Variants in CCDC146 observed in about 807,000 individuals in gnomAD.
CCDC146 encodes the protein coiled-coil domain containing 146, also known as coiled-coil domain-containing protein 146.
In CCDC146, 92 loss-of-function variants were observed where a neutral mutation model predicts 119.3. The observed-to-expected ratio is 0.77, with a 90% CI of 0.65 to 0.92. CCDC146 has a LOEUF of 0.92. Among genes scored for constraint, CCDC146 ranks in the 40% least tolerant of loss-of-function variants. CCDC146 has a pLI of 0.00. For synonymous variants in CCDC146, 372 were observed against 371.8 expected, an observed-to-expected ratio of 1.00 and a Z score of -0.01; for missense variants, 1,000 against 1,103.0, an observed-to-expected ratio of 0.91 and a Z score of 1.32.
chr7:77,280,247 G>A (rs1793738932), intron 13 of CCDC146, among the ~76,000 whole-genome samples, 182 bp from the exon 14 acceptor site: 1 of 152,024 alleles, frequency 6.6e-6, no homozygotes, highest in Admixed American at 6.6e-5. Context: ...TCTGAGACCT[G>A]GAAGGATTAT....
Position 77,150,593 on chromosome 7 carries a change from G to A in CCDC146, c.-11-17065G>A, listed in dbSNP as rs6964325. On this transcript the variant is annotated intron_variant, in intron 1 of 18. Transcript: ENST00000285871. ...AAGGATGTGGAGCAGCGGGAACCCT[G>A]GTACGTTATTGGTAGGAATATAAAA... 3.9e-3 allele frequency among the ~76,000 whole-genome samples: 597 copies of A among 152,232 alleles called. 1 individual carries two copies. The highest frequency in any genetic ancestry group is 0.013 in the African/African-American group (558 of 41,544).
chr7:77,133,293 T>C (rs1790813161), intron 1 of CCDC146, among the ~76,000 whole-genome samples: 1 of 152,258 alleles, frequency 6.6e-6, no homozygotes, highest in Non-Finnish European at 1.5e-5. Context: ...CACTTAGTGC[T>C]ACACTTTAAT....
intron 4 of CCDC146, among the ~76,000 whole-genome samples, chr7:77,251,824 G>C (rs897146174): frequency 2.6e-5 from 4 of 152,120 alleles, no homozygotes; most frequent in Admixed American, 1.3e-4. Flanking sequence ...TGTCCAATCT[G>C]AACAGAGAGA....
At chr7:77,201,880 T>A (rs1460560666) in intron 2 of CCDC146, among the ~76,000 whole-genome samples, 1 of 151,808 alleles carries the variant, frequency 6.6e-6, no homozygotes, top group Non-Finnish European at 1.5e-5. Context: ...AAACAATAGA[T>A]AATTTTAAAA....
At chr7:77,132,841 A>G (rs1174926667) in intron 1 of CCDC146, among the ~76,000 whole-genome samples, 4 of 152,186 alleles carry the variant, frequency 2.6e-5, no homozygotes, top group African/African-American at 7.2e-5. Flanking sequence ...GATTGTCTCT[A>G]TAGATTTTTT....
chr7:77,284,741 C>T lies in CCDC146; in HGVS notation c.2148+1956C>T, dbSNP rs538360047. ...TTATGCATTTCATAACACTACACTC[C>T]CTGCCTGATGGTGAATTTTGATCAT... On this transcript the variant is annotated intron_variant, in intron 15 of 18. Coordinates refer to ENST00000285871, the MANE Select transcript of CCDC146 (RefSeq NM_020879.3). 7.2e-4 allele frequency among the ~76,000 whole-genome samples: 109 copies of T among 151,676 alleles called. 1 individual carries two copies. The highest frequency in any genetic ancestry group is 1.3e-3 in the Non-Finnish European group (89 of 67,974).
At chr7:77,150,150 T>A (rs978657758) in intron 1 of CCDC146, among the ~76,000 whole-genome samples, 41 of 152,172 alleles carry the variant, frequency 2.7e-4, no homozygotes, top group African/African-American at 9.1e-4. Flanking sequence ...GATTTTTTTT[T>A]AATTCAGGAT....
chr7:77,151,892 T>C (rs1490081437), intron 1 of CCDC146, among the ~76,000 whole-genome samples: 1 of 152,180 alleles, frequency 6.6e-6, no homozygotes, highest in Admixed American at 6.5e-5. Context: ...CAGTGTCCTT[T>C]CATCCCAGTT....
intron 4 of CCDC146, among the ~76,000 whole-genome samples, chr7:77,243,324 C>A (rs903867527): frequency 6.6e-6 from 1 of 152,184 alleles, no homozygotes; most frequent in Non-Finnish European, 1.5e-5. Flanking sequence ...ATTCAAAATG[C>A]ACATTTGCAG....
chr7:77,143,148 C>G (rs1262791455), intron 1 of CCDC146, among the ~76,000 whole-genome samples: 1 of 151,924 alleles, frequency 6.6e-6, no homozygotes, highest in East Asian at 1.9e-4. Flanking sequence ...TTTTAATTTG[C>G]ATTTCTCTGA....
intron 15 of CCDC146, among the ~76,000 whole-genome samples, 193 bp downstream of exon 15, chr7:77,282,978 C>A (rs765706682): frequency 6.6e-6 from 1 of 152,204 alleles, no homozygotes; most frequent in African/African-American, 2.4e-5. Flanking sequence ...CCAGGCTACA[C>A]ATTGTCTTTT....
intron 2 of CCDC146, among the ~76,000 whole-genome samples, chr7:77,185,060 A>G (rs1160724180): frequency 6.6e-6 from 1 of 152,180 alleles, no homozygotes. Context: ...CTACAAGTGA[A>G]AAACAGTTTG....
intron 11 of CCDC146, among the ~76,000 whole-genome samples, chr7:77,278,435 ATTTTTTTTT>A (rs140968354): frequency 9.7e-6 from 1 of 103,340 alleles, no homozygotes; most frequent in Non-Finnish European, 1.8e-5. Context: ...CCAAGAAATA[ATTTTTTTTT>A]TTTTTTTTTT....
chr7:77,154,307 G>GT (rs199969985), intron 1 of CCDC146, among the ~76,000 whole-genome samples: 134 of 148,106 alleles, frequency 9.0e-4, no homozygotes, highest in East Asian at 3.7e-3. Flanking sequence ...TTGCATTCAA[G>GT]TTTTTTTTTT....
intron 2 of CCDC146, among the ~76,000 whole-genome samples, chr7:77,173,721 A>T (rs1199110359): frequency 6.6e-6 from 1 of 152,030 alleles, no homozygotes; most frequent in Non-Finnish European, 1.5e-5. Flanking sequence ...TGCTCCCCAA[A>T]TTGGCCATTG....
chr7:77,123,240 G>GAAA (rs71085442), intron 1 of CCDC146, among the ~76,000 whole-genome samples: 25 of 140,450 alleles, frequency 1.8e-4, no homozygotes, highest in African/African-American at 2.9e-4. Flanking sequence ...GTTTTAGAGT[G>GAAA]AAAAAAAAAA....
Position 77,294,963 on chromosome 7 carries a change from T to A in CCDC146, c.*97T>A, listed in dbSNP as rs978247909. The stretch of plus-strand genomic sequence containing the variant: ...TGTGAGCATAATACTTCTAATATTA[T>A]TGATAAGTAAGGTAACCACAATTAG... On this transcript the variant is annotated 3_prime_UTR_variant, in exon 19 of 19. Transcript: ENST00000285871. 1.3e-5 allele frequency: 13 copies of A among 968,472 alleles called. No homozygotes were observed. The highest frequency in any genetic ancestry group is 2.0e-5 in the Non-Finnish European group (13 of 661,192). 60.0% of individuals were successfully genotyped at this position (968,472 alleles called of 1,614,324 possible). A position where few individuals can be genotyped will look rare whatever the true frequency, so the allele number is the denominator to read the frequency against.
chr7:77,135,917 A>T lies in CCDC146; in HGVS notation c.-12+13185A>T, dbSNP rs1299170959. 7.2e-5 allele frequency among the ~76,000 whole-genome samples: 11 copies of T among 152,380 alleles called. 1 individual carries two copies. Among genetic ancestry groups the T allele is most frequent in the Admixed American group, 7.2e-4 (11 of 15,312 alleles). On this transcript the variant is annotated intron_variant, in intron 1 of 18. Transcript: ENST00000285871. Reference sequence around the variant, plus strand: ...CAAAAAGGAAAGTTATCAGTGATAAAGGCATTACATAATGATAAAGGAGTT... The same window carrying T: ...CAAAAAGGAAAGTTATCAGTGATAATGGCATTACATAATGATAAAGGAGTT...
At chr7:77,219,176 AAC>A (rs1244872357) in intron 2 of CCDC146, among the ~76,000 whole-genome samples, 2 of 152,208 alleles carry the variant, frequency 1.3e-5, no homozygotes, top group African/African-American at 2.4e-5. Flanking sequence ...TTTGCCAGAA[AAC>A]ACATTAAAAT....
Sources: gnomAD v4.1 joint callset for allele counts (sites outside exome capture counted in the v4.1 genomes callset) on GRCh38, gnomAD v4.1.1 for gene constraint, MANE v1.5 for transcripts, NCBI Gene and HGNC (gene_info 2026-07-23, HGNC 2026-07-21) for gene names.